Variants in DUSP19 observed in about 807,000 individuals in gnomAD.
DUSP19 encodes dual specificity phosphatase 19.
Under a neutral mutation model 16.6 loss-of-function variants are expected in DUSP19, and 14 were observed. The observed-to-expected ratio is 0.84, with a 90% CI of 0.56 to 1.32. The LOEUF (loss-of-function observed/expected upper bound fraction) is 1.32. Among genes scored for constraint, DUSP19 ranks in the 40% most tolerant of loss-of-function variants. The pLI is 0.00. For missense variants in DUSP19, 258 were observed against 255.9 expected (o/e 1.01, Z -0.06); for synonymous variants, 81 against 90.5 (o/e 0.90, Z 0.59).
chr2:183,088,042 C>T (rs763359668), intron 3 of DUSP19, among the ~76,000 whole-genome samples: 2 of 152,166 alleles, frequency 1.3e-5, no homozygotes, highest in East Asian at 1.9e-4. Flanking sequence ...ATAGCAGATA[C>T]AGTCATGCAC....
intron 3 of DUSP19, among the ~76,000 whole-genome samples, chr2:183,092,010 G>A (rs1293855215): frequency 6.6e-6 from 1 of 152,154 alleles, no homozygotes; most frequent in Admixed American, 6.5e-5. Context: ...GCTCCTCAAA[G>A]TGTTGTCCAG....
intron 2 of DUSP19, among the ~76,000 whole-genome samples, chr2:183,085,321 C>T (rs904728725): frequency 4.6e-5 from 7 of 151,904 alleles, no homozygotes; most frequent in Non-Finnish European, 8.8e-5. Flanking sequence ...GAAGAGTCCG[C>T]AGTGGGAAAG....
At position 183,099,214 on chromosome 2, in the gene DUSP19, T is replaced by A. The variant is rs1427073035; in HGVS notation, c.*3556T>A. On this transcript the variant is annotated 3_prime_UTR_variant, in exon 4 of 4. Coordinates refer to ENST00000354221, the MANE Select transcript of DUSP19 (RefSeq NM_080876.4). ...TAAATGTAGCAAGTATAAATCAGAA[T>A]ATCATCTTATAATCTTACAGAGTTA... 1 of 152,212 alleles carries A rather than the reference T, an allele frequency of 6.6e-6. No homozygotes were observed. Among genetic ancestry groups the A allele is most frequent in the African/African-American group, 2.4e-5 (1 of 41,452 alleles). 9.4% of individuals were successfully genotyped at this position (152,212 alleles called of 1,614,324 possible). A position where few individuals can be genotyped will look rare whatever the true frequency, so the allele number is the denominator to read the frequency against.
At chr2:183,093,720 A>G (rs983301691) in intron 3 of DUSP19, among the ~76,000 whole-genome samples, 2 of 152,224 alleles carry the variant, frequency 1.3e-5, no homozygotes, top group Admixed American at 6.5e-5. Flanking sequence ...TGGATGCACA[A>G]TGTGTAAGAC....
At chr2:183,085,326 G>A (rs1000562149) in intron 2 of DUSP19, among the ~76,000 whole-genome samples, 2 of 152,150 alleles carry the variant, frequency 1.3e-5, no homozygotes, top group Non-Finnish European at 2.9e-5. Context: ...GTCCGCAGTG[G>A]GAAAGGAGGA....
At chr2:183,084,075 C>T (rs1212958344) in intron 2 of DUSP19, among the ~76,000 whole-genome samples, 4 of 152,134 alleles carry the variant, frequency 2.6e-5, no homozygotes, top group Non-Finnish European at 5.9e-5. Flanking sequence ...TCACTTGAAG[C>T]GTATGACCTA....
chr2:183,088,573 C>T (rs1699693923), intron 3 of DUSP19, among the ~76,000 whole-genome samples: 1 of 151,416 alleles, frequency 6.6e-6, no homozygotes, highest in South Asian at 2.1e-4. Flanking sequence ...TAGGAGCACA[C>T]TGCCACACCC....
chr2:183,084,053 A>G (rs1699628196), intron 2 of DUSP19, among the ~76,000 whole-genome samples: 2 of 152,132 alleles, frequency 1.3e-5, no homozygotes, highest in African/African-American at 4.8e-5. Flanking sequence ...AAGGAGTGCA[A>G]GAGATTCTTG....
chr2:183,098,427 T>C lies in DUSP19; in HGVS notation c.*2769T>C, dbSNP rs1260741660. 6.6e-6 allele frequency: 1 copy of C among 152,230 alleles called. No individual in the cohort carries two copies. The highest frequency in any genetic ancestry group is 2.4e-5 in the African/African-American group (1 of 41,454). 9.4% of individuals were successfully genotyped at this position (152,230 alleles called of 1,614,324 possible). ...CATATATACTATACAATATGTTTAT[T>C]GCACTTCCCATGGGGATAAATCACT... On this transcript the variant is annotated 3_prime_UTR_variant, in exon 4 of 4. Transcript: ENST00000354221.
At chr2:183,091,065 C>T (rs1699725850) in intron 3 of DUSP19, among the ~76,000 whole-genome samples, 1 of 152,164 alleles carries the variant, frequency 6.6e-6, no homozygotes, top group Non-Finnish European at 1.5e-5. Context: ...GCTTTTTATA[C>T]TTGATGATTC....
chr2:183,083,166 A>G (rs1296810288), intron 1 of DUSP19, among the ~76,000 whole-genome samples: 1 of 152,158 alleles, frequency 6.6e-6, no homozygotes, highest in East Asian at 1.9e-4. Context: ...GTATTTCACT[A>G]CACAATTATA....
At position 183,099,134 on chromosome 2, in the gene DUSP19, A is replaced by G. The variant is rs965585389; in HGVS notation, c.*3476A>G. The G allele has an allele frequency of 6.6e-6, 1 of 152,074 alleles. No homozygotes were observed. The highest frequency in any genetic ancestry group is 1.5e-5 in the Non-Finnish European group (1 of 68,002). 9.4% of individuals were successfully genotyped at this position (152,074 alleles called of 1,614,324 possible). ...GTCAGCATGATTATTTGTAACTCAGATTGTTCAAATGTATATAGAAGGTCC... is the reference window on the plus strand; with the variant it reads ...GTCAGCATGATTATTTGTAACTCAGGTTGTTCAAATGTATATAGAAGGTCC... On this transcript the variant is annotated 3_prime_UTR_variant, in exon 4 of 4. Transcript: ENST00000354221.
rs1222120254 is a variant in DUSP19 at position 183,083,539 on chromosome 2, AC to A, written c.259del (p.Leu87Ter). 1.2e-6 allele frequency: 2 copies of A among 1,611,722 alleles called. No individual in the cohort carries two copies. Among genetic ancestry groups the A allele is most frequent in the Non-Finnish European group, 1.7e-6 (2 of 1,178,938 alleles). On this transcript the variant is annotated frameshift_variant, in exon 2 of 4. Coordinates refer to ENST00000354221, the MANE Select transcript of DUSP19 (RefSeq NM_080876.4). LOFTEE classifies it high-confidence loss of function. ...AAGATGCTGCTCATGATTTGGATAC[AC>A]TGAAAAAGAATAAGGTAAAAAAATG... ...SQDAAHDLDT[L>X]KKNKVTHILN...
intron 3 of DUSP19, among the ~76,000 whole-genome samples, chr2:183,087,887 T>A (rs1020178388): frequency 1.3e-5 from 2 of 152,176 alleles, no homozygotes; most frequent in Non-Finnish European, 2.9e-5. Context: ...TCCTTCCCAT[T>A]TTCTCTTCCT....
rs1321095790 is a variant in DUSP19 at position 183,099,437 on chromosome 2, C to T, written c.*3779C>T. On this transcript the variant is annotated 3_prime_UTR_variant, in exon 4 of 4. Coordinates refer to ENST00000354221, the MANE Select transcript of DUSP19 (RefSeq NM_080876.4). ...AAGACTTTGAAGTTGTATATTCTTG[C>T]AATGCATAAAATGACATTATAATCA... 3.9e-5 allele frequency: 6 copies of T among 152,084 alleles called. No individual in the cohort carries two copies. Among genetic ancestry groups the T allele is most frequent in the Non-Finnish European group, 8.8e-5 (6 of 67,996 alleles). The allele number at this position is 152,084 out of a possible 1,614,324, so 9.4% of individuals were successfully genotyped here.
chr2:183,083,178 C>T (rs1173134747), intron 1 of DUSP19, among the ~76,000 whole-genome samples: 2 of 152,028 alleles, frequency 1.3e-5, no homozygotes, highest in African/African-American at 4.8e-5. Flanking sequence ...ACAATTATAC[C>T]ATTTTTTATT....
intron 3 of DUSP19, among the ~76,000 whole-genome samples, chr2:183,089,608 G>A (rs1296600964): frequency 1.3e-5 from 2 of 152,194 alleles, no homozygotes; most frequent in Non-Finnish European, 2.9e-5. Flanking sequence ...ACAGGCAAAA[G>A]TGAAAGCAGG....
chr2:183,080,554 T>G, intron 1 of DUSP19, among the ~76,000 whole-genome samples: 1 of 152,196 alleles, frequency 6.6e-6, no homozygotes, highest in Admixed American at 6.5e-5. Context: ...CCTGGCACAT[T>G]TTTCAGTTAT....
intron 3 of DUSP19, among the ~76,000 whole-genome samples, chr2:183,089,384 A>G (rs1699703342): frequency 6.6e-6 from 1 of 152,202 alleles, no homozygotes; most frequent in Non-Finnish European, 1.5e-5. Context: ...GCTTCCTGTC[A>G]GCTCCTGTTT....
Sources: gnomAD v4.1 joint callset for allele counts (sites outside exome capture counted in the v4.1 genomes callset) on GRCh38, gnomAD v4.1.1 for gene constraint, MANE v1.5 for transcripts, NCBI Gene and HGNC (gene_info 2026-07-23, HGNC 2026-07-21) for gene names.